CADPS: variants seen among roughly 807,000 people sequenced by gnomAD.
CADPS encodes calcium dependent secretion activator.
In CADPS, 57 loss-of-function variants were observed where a neutral mutation model predicts 167.3. The observed-to-expected ratio is 0.34, with a 90% CI of 0.28 to 0.42. CADPS has a LOEUF of 0.42. Ranked by LOEUF, CADPS falls within the 20% of genes least tolerant of loss-of-function variation. The pLI is 1.00. For missense variants in CADPS, 1,414 were observed against 1,738.1 expected, an observed-to-expected ratio of 0.81 and a Z score of 3.32; for synonymous variants, 676 against 635.3, an observed-to-expected ratio of 1.06 and a Z score of -0.96.
chr3:62,439,350 T>C (rs6767628), intron 27 of CADPS: 1 of 151,940 alleles, frequency 6.6e-6, no homozygotes, highest in African/African-American at 2.4e-5. Flanking sequence ...ACAATTATCA[T>C]GCAAAGGGCC....
At chr3:62,630,889 T>A (rs1255002812) in intron 6 of CADPS, among the ~76,000 whole-genome samples, 1 of 152,176 alleles carries the variant, frequency 6.6e-6, no homozygotes, top group East Asian at 1.9e-4. Flanking sequence ...ACAACCAAGG[T>A]TTAGAATTAA....
chr3:62,576,698 C>T (rs942127748), intron 8 of CADPS, among the ~76,000 whole-genome samples: 17 of 134,872 alleles, frequency 1.3e-4, no homozygotes, highest in African/African-American at 3.4e-4. Context: ...GGCTGAGGTA[C>T]GAGAATCAGT....
chr3:62,855,948 A>G (rs538109506), intron 1 of CADPS, among the ~76,000 whole-genome samples: 1 of 152,330 alleles, frequency 6.6e-6, no homozygotes, highest in African/African-American at 2.4e-5. Flanking sequence ...TTTAGACAGA[A>G]TTGAATCTTC....
intron 1 of CADPS, among the ~76,000 whole-genome samples, chr3:62,807,257 A>G (rs2094146821): frequency 6.6e-6 from 1 of 151,674 alleles, no homozygotes; most frequent in Non-Finnish European, 1.5e-5. Flanking sequence ...TCTTTCATCA[A>G]ATTTCCTTTT....
intron 1 of CADPS, among the ~76,000 whole-genome samples, chr3:62,790,675 G>C (rs978221208): frequency 6.6e-6 from 1 of 152,124 alleles, no homozygotes; most frequent in African/African-American, 2.4e-5. Context: ...AAAATGAAAG[G>C]ATTGGAAAAA....
chr3:62,426,841 G>C (rs939135803), intron 28 of CADPS, among the ~76,000 whole-genome samples: 2 of 151,718 alleles, frequency 1.3e-5, no homozygotes, highest in Non-Finnish European at 2.9e-5. Flanking sequence ...GCCGAGGGGG[G>C]CAGATCATGA....
At chr3:62,716,997 G>A (rs1378863011) in intron 3 of CADPS, among the ~76,000 whole-genome samples, 2 of 152,058 alleles carry the variant, frequency 1.3e-5, no homozygotes, top group Non-Finnish European at 2.9e-5. Flanking sequence ...TTAATTTTTG[G>A]TTATTTCATA....
chr3:62,532,522 CA>C (rs1299562900), intron 13 of CADPS, among the ~76,000 whole-genome samples: 5 of 152,134 alleles, frequency 3.3e-5, no homozygotes, highest in African/African-American at 1.2e-4. Context: ...TCAACAACCC[CA>C]GGGGTATACA....
Position 62,433,279 on chromosome 3 carries a change from A to T in CADPS, c.3777+4825T>A, listed in dbSNP as rs1051181578. On this transcript the variant is annotated intron_variant, in intron 28 of 29. Coordinates refer to ENST00000383710, the MANE Select transcript of CADPS (RefSeq NM_003716.4). This position sits in a 1 kb window ranked among gnomAD's most constrained non-coding sequence, Gnocchi z 4.7. ...TTTTCAAGGGAACTAGTCACACTCA[A>T]TTATTGTTCTGCCACACAAACTGGA... Among the ~76,000 whole-genome samples, 3 of 152,194 alleles carry T rather than the reference A, an allele frequency of 2.0e-5. No homozygotes were observed. Among genetic ancestry groups the T allele is most frequent in the Non-Finnish European group, 4.4e-5 (3 of 68,028 alleles).
At chr3:62,469,657 G>A (rs191676398) in intron 24 of CADPS, 315 of 170,062 alleles carry the variant, frequency 1.9e-3, no homozygotes, top group African/African-American at 7.1e-3. Context: ...ACAGGTGTGC[G>A]CCACCACGCC....
intron 9 of CADPS, among the ~76,000 whole-genome samples, chr3:62,565,444 C>T (rs558271349): frequency 6.6e-6 from 1 of 152,288 alleles, no homozygotes; most frequent in South Asian, 2.1e-4. Context: ...CAGTGTTTCT[C>T]CAAGGGTGGC....
At chr3:62,584,920 T>C (rs2084255758) in intron 8 of CADPS, among the ~76,000 whole-genome samples, 1 of 152,176 alleles carries the variant, frequency 6.6e-6, no homozygotes, top group African/African-American at 2.4e-5. Context: ...TCACCTAGCA[T>C]GCTGCTAGGA....
intron 7 of CADPS, among the ~76,000 whole-genome samples, chr3:62,585,667 A>T (rs552492267): frequency 2.0e-5 from 3 of 152,352 alleles, no homozygotes; most frequent in Admixed American, 6.5e-5. Context: ...AAAAGGAAGA[A>T]ATATGCTTAT....
intron 1 of CADPS, chr3:62,779,140 G>A (rs1221693760): frequency 1.7e-4 from 31 of 178,116 alleles, no homozygotes; most frequent in Non-Finnish European, 2.8e-4. Flanking sequence ...CGCCTACCTC[G>A]GCCCCCAAAG....
intron 21 of CADPS, among the ~76,000 whole-genome samples, chr3:62,485,006 G>C (rs981532761): frequency 1.1e-4 from 17 of 152,000 alleles, no homozygotes. Context: ...CTAGAATCTA[G>C]AGCAGTATTT....
intron 1 of CADPS, among the ~76,000 whole-genome samples, chr3:62,839,494 T>C (rs548743892): frequency 6.6e-6 from 1 of 152,206 alleles, no homozygotes; most frequent in East Asian, 1.9e-4. Context: ...TGAAGGGCCA[T>C]AGTGGATCCC....
chr3:62,770,483 T>G (rs1305539118), intron 1 of CADPS, among the ~76,000 whole-genome samples: 1 of 152,176 alleles, frequency 6.6e-6, no homozygotes, highest in African/African-American at 2.4e-5. Context: ...TGGAGTGCAG[T>G]GGTGCCATGT....
At chr3:62,671,871 T>A (rs989638192) in intron 3 of CADPS, among the ~76,000 whole-genome samples, 1 of 152,156 alleles carries the variant, frequency 6.6e-6, no homozygotes, top group East Asian at 1.9e-4. Flanking sequence ...AAAGTGATTA[T>A]CCTGCCTCAG....
chr3:62,796,573 A>T (rs1211613255), intron 1 of CADPS, among the ~76,000 whole-genome samples: 1 of 152,078 alleles, frequency 6.6e-6, no homozygotes, highest in African/African-American at 2.4e-5. Context: ...GACATTAAAA[A>T]TTTTTCTGGA....
Sources: allele counts gnomAD v4.1 joint callset (sites outside exome capture counted in the v4.1 genomes callset), GRCh38; gene constraint gnomAD v4.1.1; non-coding constraint Gnocchi (gnomAD v3.1); transcripts MANE v1.5; gene names NCBI Gene and HGNC (gene_info 2026-07-23, HGNC 2026-07-21).